Variants in NBAS observed in about 807,000 individuals in gnomAD.
The protein encoded by NBAS is NAG/BC035112 fusion.
NBAS carries 219 observed loss-of-function variants against 302.5 expected under a neutral mutation model. That is an observed-to-expected ratio of 0.72 (90% CI 0.65 to 0.81). The LOEUF (loss-of-function observed/expected upper bound fraction) is 0.81, where lower values mean the gene tolerates loss of function less well. NBAS is among the 30% of genes least tolerant of loss of function. The probability of loss-of-function intolerance (pLI) is 0.00; values close to 1 mark genes in which losing one functional copy is unlikely to be tolerated. For missense variants in NBAS, 2,932 were observed against 2,841.6 expected (o/e 1.03, Z -0.72); for synonymous variants, 1,118 against 1,021.6 (o/e 1.09, Z -1.80).
chr2:15,121,533 C>G, the NBAS span, among the ~76,000 whole-genome samples: 1 of 152,146 alleles, frequency 6.6e-6, no homozygotes, highest in East Asian at 1.9e-4. Flanking sequence ...GGATGGAATT[C>G]AGGCATTCCA....
At chr2:15,203,732 A>G (rs971570179) in intron 48 of NBAS, among the ~76,000 whole-genome samples, 1 of 152,196 alleles carries the variant, frequency 6.6e-6, no homozygotes, top group Non-Finnish European at 1.5e-5. Context: ...CCATGTTAAT[A>G]TTTCACATAT....
the NBAS span, among the ~76,000 whole-genome samples, chr2:14,788,697 G>A: frequency 3.9e-5 from 6 of 152,122 alleles, no homozygotes; most frequent in Non-Finnish European, 2.9e-5. Context: ...TGTCTCAGAG[G>A]AGTACCTGGC....
At chr2:14,869,530 G>C in the NBAS span, among the ~76,000 whole-genome samples, 2 of 151,902 alleles carry the variant, frequency 1.3e-5, no homozygotes, top group Non-Finnish European at 2.9e-5. Flanking sequence ...TTTTTAATGA[G>C]ACCAACCATA....
the NBAS span, among the ~76,000 whole-genome samples, chr2:14,932,375 G>C: frequency 6.6e-6 from 1 of 152,170 alleles, no homozygotes; most frequent in Non-Finnish European, 1.5e-5. Context: ...CTGTTTTGGG[G>C]CTCCAAAGAC....
At position 15,461,784 on chromosome 2, in the gene NBAS, A is replaced by G; in HGVS notation, c.2105T>C (p.Leu702Pro). Residue 702 changes from leucine to proline, a missense_variant, in exon 20 of 52, where the codon CTA becomes CCA. Transcript: ENST00000281513. ...CTGTTCAGATGCATGAGGCACTCCT[A>G]GGATTTCCTGAGGGGAAATTTAATG... ...LDRLATYEEILGVPHASEQRY... is the reference protein window; with the variant it reads ...LDRLATYEEIPGVPHASEQRY... The G allele has an allele frequency of 6.3e-7, 1 of 1,583,488 alleles. No homozygotes were observed. The highest frequency in any genetic ancestry group is 8.7e-7 in the Non-Finnish European group (1 of 1,153,360).
the NBAS span, among the ~76,000 whole-genome samples, chr2:15,021,015 T>A: frequency 6.6e-6 from 1 of 152,104 alleles, no homozygotes; most frequent in Non-Finnish European, 1.5e-5. Flanking sequence ...GTGGATCACT[T>A]GAGGTCAGGA....
the NBAS span, among the ~76,000 whole-genome samples, chr2:14,924,397 A>T: frequency 6.6e-6 from 1 of 152,258 alleles, no homozygotes; most frequent in African/African-American, 2.4e-5. Context: ...TCTTCTACTA[A>T]TGCCTCACAG....
chr2:15,537,014 G>A (rs551345957), intron 7 of NBAS, among the ~76,000 whole-genome samples: 2 of 152,294 alleles, frequency 1.3e-5, no homozygotes, highest in African/African-American at 4.8e-5. Flanking sequence ...TACTCACTCA[G>A]TGTTAACCTT....
rs367701295 is a variant in NBAS, at chr2:15,218,850, G to A, written c.6355C>T (p.Leu2119=). ...AGGAGCTTGCTGTCCTCCTCAGTCA[G>A]GTGAAATGATTGCCCCAAAATCTGC... ...VLQILGQSFH[L]TEEDSKLLVF... is the part of the protein sequence containing the mutation. Residue 2119 remains leucine (L), a synonymous_variant, in exon 48 of 52, where the codon CTG becomes TTG. Transcript: ENST00000281513. The A allele has an allele frequency of 6.2e-7, 1 of 1,614,160 alleles. No homozygotes were observed. The highest frequency in any genetic ancestry group is 8.5e-7 in the Non-Finnish European group (1 of 1,180,054).
At chr2:15,174,235 C>T (rs1192793233) in intron 51 of NBAS, among the ~76,000 whole-genome samples, 1 of 152,232 alleles carries the variant, frequency 6.6e-6, no homozygotes, top group Non-Finnish European at 1.5e-5. Flanking sequence ...TCGATTCACA[C>T]ATGCGTTTCT....
At chr2:14,795,448 T>C in the NBAS span, among the ~76,000 whole-genome samples, 10 of 152,054 alleles carry the variant, frequency 6.6e-5, no homozygotes, top group South Asian at 2.1e-4. Flanking sequence ...CTTATTATTA[T>C]GGAGTTTTGA....
intron 21 of NBAS, among the ~76,000 whole-genome samples, chr2:15,428,558 C>A (rs2148486250): frequency 6.6e-6 from 1 of 152,220 alleles, no homozygotes; most frequent in South Asian, 2.1e-4. Context: ...AGTGGGACCT[C>A]ATTTCTACAA....
intron 6 of NBAS, among the ~76,000 whole-genome samples, chr2:15,541,712 T>C (rs1663832734): frequency 6.6e-6 from 1 of 151,760 alleles, no homozygotes. Flanking sequence ...TTCCCTGTCT[T>C]TAGACTGCTA....
chr2:14,793,911 T>C, the NBAS span, among the ~76,000 whole-genome samples: 2 of 151,848 alleles, frequency 1.3e-5, no homozygotes, highest in Non-Finnish European at 2.9e-5. Flanking sequence ...ATTTTACGAG[T>C]ACCGTGAAAA....
At chr2:15,037,700 A>G in the NBAS span, among the ~76,000 whole-genome samples, 2 of 152,222 alleles carry the variant, frequency 1.3e-5, no homozygotes, top group Non-Finnish European at 1.5e-5. Flanking sequence ...TTTATTTTTA[A>G]TTATATGCCT....
At chr2:15,145,348 C>A in the NBAS span, among the ~76,000 whole-genome samples, 1 of 151,658 alleles carries the variant, frequency 6.6e-6, no homozygotes, top group East Asian at 1.9e-4. Context: ...ATGTTTAGGG[C>A]CACACATATG....
chr2:14,876,180 G>A, the NBAS span, among the ~76,000 whole-genome samples: 1 of 152,044 alleles, frequency 6.6e-6, no homozygotes, highest in South Asian at 2.1e-4. Context: ...CAGTTTCAGA[G>A]GCTTCTACTT....
chr2:15,346,259 T>C (rs1673082755), intron 35 of NBAS, among the ~76,000 whole-genome samples: 1 of 152,150 alleles, frequency 6.6e-6, no homozygotes, highest in African/African-American at 2.4e-5. Context: ...TCTACCCATC[T>C]GACAAAGATC....
chr2:14,784,825 C>A, the NBAS span, among the ~76,000 whole-genome samples: 1 of 152,120 alleles, frequency 6.6e-6, no homozygotes, highest in African/African-American at 2.4e-5. Context: ...TCCATATGAA[C>A]TTTAAAGCAG....
Sources: allele counts gnomAD v4.1 joint callset (sites outside exome capture counted in the v4.1 genomes callset), GRCh38; gene constraint gnomAD v4.1.1; transcripts MANE v1.5; gene names NCBI Gene and HGNC (gene_info 2026-07-23, HGNC 2026-07-21).